Variants in DMRT3 observed in about 807,000 individuals in gnomAD.
The protein encoded by DMRT3 is doublesex- and mab-3-related transcription factor 3.
In DMRT3, 29 loss-of-function variants were observed where a neutral mutation model predicts 34.9. The observed-to-expected ratio is 0.83, with a 90% CI of 0.62 to 1.13. The LOEUF (loss-of-function observed/expected upper bound fraction) is 1.13. Among genes scored for constraint, DMRT3 ranks in the 50% most tolerant of loss-of-function variants. The pLI is 0.00. For missense variants in DMRT3, 772 were observed against 629.1 expected, an observed-to-expected ratio of 1.23 and a Z score of -2.43; for synonymous variants, 350 against 286.0, an observed-to-expected ratio of 1.22 and a Z score of -2.26.
rs978924801 is a variant in DMRT3, at chr9:979,195, G to T, written c.454+1740G>T. 2.0e-5 allele frequency among the ~76,000 whole-genome samples: 3 copies of T among 152,072 alleles called. No homozygotes were observed. In the East Asian group the frequency reaches 5.8e-4, roughly 29 times the overall value. On this transcript the variant is annotated intron_variant, in intron 1 of 1. Transcript: ENST00000190165. Reference sequence around the variant, plus strand: ...CTGTGTTCTTCAGAGTATTCTTTGGGATAGCTAAAGTTCATGATTTCTAAA... The same window carrying T: ...CTGTGTTCTTCAGAGTATTCTTTGGTATAGCTAAAGTTCATGATTTCTAAA...
At chr9:983,853 C>G (rs768363767) in intron 1 of DMRT3, among the ~76,000 whole-genome samples, 5 of 151,790 alleles carry the variant, frequency 3.3e-5, no homozygotes, top group Non-Finnish European at 7.4e-5. Context: ...CTGATTCCTT[C>G]ATACGTTATT....
At chr9:983,357 A>C (rs72701093) in intron 1 of DMRT3, among the ~76,000 whole-genome samples, 2,436 of 152,258 alleles carry the variant, frequency 0.016, 34 homozygotes, top group Middle Eastern at 0.058. Flanking sequence ...AGCACCCATA[A>C]TCTTTATATG....
chr9:990,152 G>T lies in DMRT3; in HGVS notation c.566G>T (p.Cys189Phe). ...SSPDVAKSKG[C>F]FTPESPEIVS... is the part of the protein sequence containing the mutation. ...CCAGATGTGGCAAAGAGTAAGGGCT[G>T]CTTCACCCCTGAGAGCCCTGAGATA... The change falls in exon 2 of 2, where the codon TGC becomes TTC. Residue 189 changes from cysteine (C) to phenylalanine (F), a missense_variant. Cys to Phe is a radical substitution (Grantham distance 205, BLOSUM62 -2). Coordinates refer to ENST00000190165, the MANE Select transcript of DMRT3 (RefSeq NM_021240.4). 6.2e-7 allele frequency: 1 copy of T among 1,614,062 alleles called. No individual in the cohort carries two copies. Among genetic ancestry groups the T allele is most frequent in the Non-Finnish European group, 8.5e-7 (1 of 1,180,004 alleles).
intron 1 of DMRT3, among the ~76,000 whole-genome samples, chr9:983,861 A>G (rs1164267215): frequency 1.3e-5 from 2 of 151,516 alleles, no homozygotes; most frequent in African/African-American, 4.9e-5. Context: ...TTCATACGTT[A>G]TTAATTCAGT....
intron 1 of DMRT3, among the ~76,000 whole-genome samples, chr9:979,194 G>C (rs1820187085): frequency 6.6e-6 from 1 of 152,006 alleles, no homozygotes; most frequent in Non-Finnish European, 1.5e-5. Flanking sequence ...GTATTCTTTG[G>C]GATAGCTAAA....
intron 1 of DMRT3, among the ~76,000 whole-genome samples, chr9:988,812 G>A (rs534210511): frequency 3.9e-5 from 6 of 152,112 alleles, no homozygotes; most frequent in Non-Finnish European, 7.3e-5. Context: ...TTCATCTTTC[G>A]ATCAGCTACC....
chr9:984,438 T>C (rs1820257936), intron 1 of DMRT3, among the ~76,000 whole-genome samples: 1 of 151,308 alleles, frequency 6.6e-6, no homozygotes, highest in Non-Finnish European at 1.5e-5. Context: ...CTATGACATC[T>C]AAGTCAGAAA....
chr9:990,348 G>T lies in DMRT3; in HGVS notation c.762G>T (p.Val254=), dbSNP rs1327240415. The change falls in exon 2 of 2, where the codon GTG becomes GTT. Residue 254 remains valine, a synonymous_variant. Coordinates refer to ENST00000190165, the MANE Select transcript of DMRT3 (RefSeq NM_021240.4). ...SLKANRPPLE[V]LKKIFPNQKP... ...AAGCCAACAGACCGCCGCTTGAAGT[G>T]TTAAAAAAGATATTCCCCAACCAGA... 32 of 1,613,788 alleles carry T rather than the reference G, an allele frequency of 2.0e-5. No homozygotes were observed. Among genetic ancestry groups the T allele is most frequent in the Non-Finnish European group, 2.6e-5 (31 of 1,180,030 alleles).
chr9:976,897 G>C lies in DMRT3; in HGVS notation c.-105G>C, dbSNP rs950148737. The C allele has an allele frequency of 2.4e-6, 3 of 1,253,532 alleles. No individual in the cohort carries two copies. Among genetic ancestry groups the C allele is most frequent in the Admixed American group, 3.7e-5 (1 of 26,810 alleles). The allele number at this position is 1,253,532 out of a possible 1,614,324, so 77.7% of individuals were successfully genotyped here. On this transcript the variant is annotated 5_prime_UTR_variant, in exon 1 of 2. Transcript: ENST00000190165. This position sits in a 1 kb window ranked among gnomAD's most constrained non-coding sequence, Gnocchi z 4.5. The stretch of plus-strand genomic sequence containing the variant: ...CACCGGGGCTGCGGGACCAAGGGCC[G>C]CGTCGCCCGGAGGCCGCCCCTGAGC...
chr9:977,496 G>A, intron 1 of DMRT3, 41 bp downstream of exon 1: 1 of 1,257,824 alleles, frequency 8.0e-7, no homozygotes, highest in Non-Finnish European at 1.0e-6. Flanking sequence ...CGGGCGCGGG[G>A]GCAACTTCGG....
At chr9:981,734 GGCAGCGGCTCCTTGCGGCC>G in intron 1 of DMRT3, among the ~76,000 whole-genome samples, 1 of 152,286 alleles carries the variant, frequency 6.6e-6, no homozygotes, top group Middle Eastern at 3.4e-3. Context: ...AAAGATAGGG[GGCAGCGGCTCCTTGCGGCC>G]GCAATGGACT....
intron 1 of DMRT3, among the ~76,000 whole-genome samples, chr9:978,004 C>A (rs891805238): frequency 6.6e-6 from 1 of 152,188 alleles, no homozygotes; most frequent in Non-Finnish European, 1.5e-5. Flanking sequence ...GTATCCAACT[C>A]TCAGAACCCT....
chr9:989,893 G>C, intron 1 of DMRT3, 148 bp from the exon 2 acceptor site: 2 of 1,031,438 alleles, frequency 1.9e-6, no homozygotes, highest in Non-Finnish European at 2.8e-6. Context: ...GATATAGTTC[G>C]AATTTTTTTA....
intron 1 of DMRT3, among the ~76,000 whole-genome samples, chr9:983,592 A>C (rs1395962284): frequency 6.6e-6 from 1 of 152,214 alleles, no homozygotes; most frequent in East Asian, 1.9e-4. Flanking sequence ...GAGCATAGTA[A>C]GGCATTTAGG....
intron 1 of DMRT3, among the ~76,000 whole-genome samples, chr9:980,061 C>G (rs868728126): frequency 4.0e-5 from 6 of 151,076 alleles, no homozygotes; most frequent in South Asian, 4.3e-4. Flanking sequence ...GGGCAAAGGA[C>G]CTCTTTAATA....
At chr9:988,888 T>C (rs7872528) in intron 1 of DMRT3, among the ~76,000 whole-genome samples, 45,504 of 152,080 alleles carry the variant, frequency 0.3, 7,799 homozygotes, top group African/African-American at 0.45. Context: ...TGCAAATAGC[T>C]TGCTACTAAA....
chr9:977,431 C>G lies in DMRT3; in HGVS notation c.430C>G (p.Leu144Val). Residue 144 changes from leucine to valine, a missense_variant, in exon 1 of 2, where the codon CTG becomes GTG. By Grantham distance (32) the Leu-to-Val change is conservative. Transcript: ENST00000190165. The part of the protein sequence containing the change: ...RWTAEPQPGA[L>V]QAQLAKPDLT... Reference sequence around the variant, plus strand: ...GACTGCCGAGCCGCAGCCCGGGGCTCTGCAGGCGCAGCTCGCCAAGCCAGG... The same window carrying G: ...GACTGCCGAGCCGCAGCCCGGGGCTGTGCAGGCGCAGCTCGCCAAGCCAGG... 4.7e-6 allele frequency: 6 copies of G among 1,276,192 alleles called. No homozygotes were observed. Among genetic ancestry groups the G allele is most frequent in the Middle Eastern group, 2.7e-4 (1 of 3,718 alleles). 79.1% of individuals were successfully genotyped at this position (1,276,192 alleles called of 1,614,324 possible).
chr9:980,777 C>T (rs535559080), intron 1 of DMRT3, among the ~76,000 whole-genome samples: 5 of 152,238 alleles, frequency 3.3e-5, no homozygotes, highest in African/African-American at 9.6e-5. Flanking sequence ...CCTTTCAGGA[C>T]GTGGGCTCAA....
chr9:991,143 A>C lies in DMRT3; in HGVS notation c.*138A>C. 8.5e-7 allele frequency: 1 copy of C among 1,172,508 alleles called. No individual in the cohort carries two copies. Among genetic ancestry groups the C allele is most frequent in the South Asian group, 1.6e-5 (1 of 64,468 alleles). 72.6% of individuals were successfully genotyped at this position (1,172,508 alleles called of 1,614,324 possible). Reference sequence around the variant, plus strand: ...ACTGTGCTTGATTCTATACATTAGCAATAAAAACATAACTTATTTAACTTC... The same window carrying C: ...ACTGTGCTTGATTCTATACATTAGCCATAAAAACATAACTTATTTAACTTC... On this transcript the variant is annotated 3_prime_UTR_variant, in exon 2 of 2. Coordinates refer to ENST00000190165, the MANE Select transcript of DMRT3 (RefSeq NM_021240.4).
Sources: gnomAD v4.1 joint callset for allele counts (sites outside exome capture counted in the v4.1 genomes callset) on GRCh38, gnomAD v4.1.1 for gene constraint, Gnocchi (gnomAD v3.1) non-coding constraint, MANE v1.5 for transcripts, NCBI Gene and HGNC (gene_info 2026-07-23, HGNC 2026-07-21) for gene names.